Variants in TRIM67 observed in about 807,000 individuals in gnomAD.
The protein encoded by TRIM67 is tripartite motif containing 67.
In TRIM67, 39 loss-of-function variants were observed where a neutral mutation model predicts 71.0. The ratio of observed to expected loss-of-function variants is 0.55; its 90% CI spans 0.43 to 0.72. TRIM67 has a LOEUF of 0.72. TRIM67 is among the 30% of genes least tolerant of loss of function. The pLI, the probability that TRIM67 is intolerant of heterozygous loss-of-function variation, is 0.00. For missense variants in TRIM67, 973 were observed against 1,079.2 expected (o/e 0.90, Z 1.38); for synonymous variants, 481 against 473.9 (o/e 1.01, Z -0.19).
At chr1:231,198,047 A>G (rs1279198376) in intron 2 of TRIM67, among the ~76,000 whole-genome samples, 2 of 152,332 alleles carry the variant, frequency 1.3e-5, no homozygotes, top group East Asian at 3.9e-4. Flanking sequence ...GGAGCCAATT[A>G]GAGAGAGCTG....
chr1:231,197,434 G>A lies in TRIM67; in HGVS notation c.1108G>A (p.Val370Ile), dbSNP rs1683395355. The change falls in exon 2 of 10, where the codon GTT (valine) becomes ATT (isoleucine). Residue 370 changes from valine (V) to isoleucine (I), a missense_variant. Coordinates refer to ENST00000366653, the MANE Select transcript of TRIM67 (RefSeq NM_001004342.5). Reference protein sequence around the residue: ...DKAKEAKEFLVQLKNILQQIQ... With the variant: ...DKAKEAKEFLIQLKNILQQIQ... ...GGCAAAGGAAGCAAAGGAGTTTCTGGTTCAGCTAAAGAACATATTGCAGCA... is the reference window on the plus strand; with the variant it reads ...GGCAAAGGAAGCAAAGGAGTTTCTGATTCAGCTAAAGAACATATTGCAGCA... 6.2e-7 allele frequency: 1 copy of A among 1,613,890 alleles called. No individual in the cohort carries two copies. The highest frequency in any genetic ancestry group is 1.1e-5 in the South Asian group (1 of 91,092).
chr1:231,171,587 A>T (rs1465323264), intron 1 of TRIM67, among the ~76,000 whole-genome samples: 1 of 152,092 alleles, frequency 6.6e-6, no homozygotes, highest in Non-Finnish European at 1.5e-5. Context: ...CCAGACAGAC[A>T]TTGGGAGGGG....
rs1684050001 is a variant in TRIM67, at chr1:231,217,667, C to T, written c.*2227C>T. 2 of 1,168,830 alleles carry T rather than the reference C, an allele frequency of 1.7e-6. No homozygotes were observed. Among genetic ancestry groups the T allele is most frequent in the Non-Finnish European group, 2.2e-6 (2 of 929,296 alleles). The allele number at this position is 1,168,830 out of a possible 1,614,324, so 72.4% of individuals were successfully genotyped here. ...GCTGCCTGGTGACAGCAGCTTCTCA[C>T]AGGGGAGCCCTGGGGAAGGCTGTGG... On this transcript the variant is annotated 3_prime_UTR_variant, in exon 10 of 10. Transcript: ENST00000366653.
At position 231,163,788 on chromosome 1, in the gene TRIM67, C is replaced by A; in HGVS notation, c.819C>A (p.Gly273=). The A allele has an allele frequency of 3.4e-6, 5 of 1,489,032 alleles. No individual in the cohort carries two copies. The highest frequency in any genetic ancestry group is 4.5e-6 in the Non-Finnish European group (5 of 1,116,716). 92.2% of individuals were successfully genotyped at this position (1,489,032 alleles called of 1,614,324 possible). Residue 273 remains glycine, a synonymous_variant, in exon 1 of 10, where the codon GGC becomes GGA. Coordinates refer to ENST00000366653, the MANE Select transcript of TRIM67 (RefSeq NM_001004342.5). ...AASGPTGTAQ[G]APSGGGGCKS... Reference sequence around the variant, plus strand: ...CCGGGCCCACTGGCACCGCCCAGGGCGCCCCCAGCGGAGGCGGCGGCTGCA... The same window carrying A: ...CCGGGCCCACTGGCACCGCCCAGGGAGCCCCCAGCGGAGGCGGCGGCTGCA...
chr1:231,184,551 A>T (rs961374555), intron 1 of TRIM67: 1 of 163,690 alleles, frequency 6.1e-6, no homozygotes, highest in African/African-American at 2.4e-5. Flanking sequence ...TCACACAGGC[A>T]TGTGCCTACC....
Position 231,163,587 on chromosome 1 carries a change from C to T in TRIM67, c.618C>T (p.Ala206=), listed in dbSNP as rs1571863684. The part of the protein sequence containing the change: ...VPGTSAAAAV[A]ICQLCDRTPP... ...GGACGTCTGCAGCCGCGGCGGTGGCCATCTGCCAGCTGTGCGACCGCACCC... is the reference window on the plus strand; with the variant it reads ...GGACGTCTGCAGCCGCGGCGGTGGCTATCTGCCAGCTGTGCGACCGCACCC... The change falls in exon 1 of 10, where the codon GCC becomes GCT. Residue 206 remains alanine, a synonymous_variant. Coordinates refer to ENST00000366653, the MANE Select transcript of TRIM67 (RefSeq NM_001004342.5). 3 of 1,515,958 alleles carry T rather than the reference C, an allele frequency of 2.0e-6. No homozygotes were observed. The highest frequency in any genetic ancestry group is 1.8e-6 in the Non-Finnish European group (2 of 1,137,100). 93.9% of individuals were successfully genotyped at this position (1,515,958 alleles called of 1,614,324 possible). A position where few individuals can be genotyped will look rare whatever the true frequency, so the allele number is the denominator to read the frequency against.
At chr1:231,214,654 C>T (rs1179958682) in intron 9 of TRIM67, among the ~76,000 whole-genome samples, 3 of 151,856 alleles carry the variant, frequency 2.0e-5, no homozygotes, top group Non-Finnish European at 2.9e-5. Flanking sequence ...TAGCGGGTGC[C>T]TGTAGTCCCA....
intron 1 of TRIM67, among the ~76,000 whole-genome samples, chr1:231,188,021 T>C (rs1340274350): frequency 1.3e-5 from 2 of 152,148 alleles, no homozygotes; most frequent in Non-Finnish European, 2.9e-5. Context: ...CCAATCCATT[T>C]TTGCTTCCCA....
intron 1 of TRIM67, among the ~76,000 whole-genome samples, chr1:231,165,688 C>T (rs1682442287): frequency 6.6e-6 from 1 of 152,170 alleles, no homozygotes; most frequent in Non-Finnish European, 1.5e-5. Flanking sequence ...TTGCATATTG[C>T]TTCACAGTAA....
chr1:231,189,097 G>A (rs1169391198), intron 1 of TRIM67, among the ~76,000 whole-genome samples: 4 of 152,124 alleles, frequency 2.6e-5, no homozygotes, highest in Admixed American at 2.6e-4. Flanking sequence ...ATTTATAGTG[G>A]GTCCTGTGTA....
chr1:231,175,711 T>C (rs1373666371), intron 1 of TRIM67, among the ~76,000 whole-genome samples: 1 of 152,182 alleles, frequency 6.6e-6, no homozygotes. Context: ...CTTAGAAACA[T>C]AGCCCAGAAC....
chr1:231,214,674 G>A (rs912479203), intron 9 of TRIM67, among the ~76,000 whole-genome samples: 11 of 151,510 alleles, frequency 7.3e-5, no homozygotes, highest in Admixed American at 5.9e-4. Flanking sequence ...AGCTACTCAG[G>A]AGGCTGAGGT....
Position 231,216,598 on chromosome 1 carries a change from G to A in TRIM67, c.*1158G>A, listed in dbSNP as rs867588215. The A allele has an allele frequency of 8.1e-6, 8 of 985,438 alleles. No homozygotes were observed. Among genetic ancestry groups the A allele is most frequent in the Admixed American group, 6.1e-5 (1 of 16,270 alleles). 61.0% of individuals were successfully genotyped at this position (985,438 alleles called of 1,614,324 possible). The stretch of plus-strand genomic sequence containing the variant: ...ACACAAGTGGCCCCTGTGGCAGGCC[G>A]GGACGGCTCTGCCCTGATGCAGTGG... On this transcript the variant is annotated 3_prime_UTR_variant, in exon 10 of 10. Transcript: ENST00000366653.
chr1:231,180,385 G>T (rs151092140), intron 1 of TRIM67, among the ~76,000 whole-genome samples: 289 of 151,968 alleles, frequency 1.9e-3, no homozygotes, highest in African/African-American at 6.6e-3. Flanking sequence ...CTCTAATTAA[G>T]AAAAAACACT....
chr1:231,186,092 G>A (rs767053310), intron 1 of TRIM67: 18 of 1,533,028 alleles, frequency 1.2e-5, no homozygotes, highest in Middle Eastern at 4.6e-4. Context: ...CCTGATAGGC[G>A]GCTGGCAGTC....
intron 8 of TRIM67, among the ~76,000 whole-genome samples, chr1:231,210,247 G>A (rs1683830529): frequency 6.6e-6 from 1 of 152,108 alleles, no homozygotes; most frequent in Admixed American, 6.5e-5. Context: ...GACTTCGCTG[G>A]GCCCCAGCCC....
At chr1:231,203,240 TC>T (rs1265628493) in intron 5 of TRIM67, among the ~76,000 whole-genome samples, 1 of 152,258 alleles carries the variant, frequency 6.6e-6, no homozygotes, top group Non-Finnish European at 1.5e-5. Flanking sequence ...TCTCCCACTC[TC>T]ACCTTAATAG....
chr1:231,187,402 A>T (rs893575868), intron 1 of TRIM67: 86 of 990,248 alleles, frequency 8.7e-5, no homozygotes, highest in African/African-American at 3.8e-4. Context: ...TAATTTTTTT[A>T]AAAAATGAGT....
At position 231,163,731 on chromosome 1, in the gene TRIM67, GCCGCCGCCGCCGCCGC is replaced by G; in HGVS notation, c.769_784del (p.Pro257ArgfsTer55). On this transcript the variant is annotated frameshift_variant, in exon 1 of 10. Coordinates refer to ENST00000366653, the MANE Select transcript of TRIM67 (RefSeq NM_001004342.5). LOFTEE classifies it high-confidence loss of function. ...CCAAGCATCGCCTGGTGCAGCCGCC[GCCGCCGCCGCCGCCGC>G]CCGCCGAGGCAGCCTCCGGGCCCAC... 1 of 1,490,866 alleles carries G rather than the reference GCCGCCGCCGCCGCCGC, an allele frequency of 6.7e-7. No individual in the cohort carries two copies. Among genetic ancestry groups the G allele is most frequent in the East Asian group, 2.9e-5 (1 of 34,276 alleles). 92.4% of individuals were successfully genotyped at this position (1,490,866 alleles called of 1,614,324 possible). A position where few individuals can be genotyped will look rare whatever the true frequency, so the allele number is the denominator to read the frequency against.
Sources: gnomAD v4.1 joint callset for allele counts (sites outside exome capture counted in the v4.1 genomes callset) on GRCh38, gnomAD v4.1.1 for gene constraint, MANE v1.5 for transcripts, NCBI Gene and HGNC (gene_info 2026-07-23, HGNC 2026-07-21) for gene names.